Variants in DNAH7 observed in about 807,000 individuals in gnomAD.
DNAH7 encodes axonemal beta dynein heavy chain 7.
In DNAH7, 397 loss-of-function variants were observed where a neutral mutation model predicts 444.6. That is an observed-to-expected ratio of 0.89 (90% CI 0.82 to 0.97). The LOEUF (loss-of-function observed/expected upper bound fraction) is 0.97, where lower values mean the gene tolerates loss of function less well. Ranked by LOEUF, DNAH7 falls within the 50% of genes least tolerant of loss-of-function variation. DNAH7 has a pLI of 0.00. For synonymous variants in DNAH7, 1,636 were observed against 1,624.4 expected (o/e 1.01, Z -0.17); for missense variants, 4,902 against 4,800.8 (o/e 1.02, Z -0.62).
At position 196,012,803 on chromosome 2, in the gene DNAH7, C is replaced by A. The variant is rs762815760; in HGVS notation, c.973G>T (p.Glu325Ter). 9 of 1,599,134 alleles carry A rather than the reference C, an allele frequency of 5.6e-6. No homozygotes were observed. In the African/African-American group the frequency reaches 1.1e-4, roughly 19 times the overall value. ...AACCTTTACATTTTAAGTAGAGTCT[C>A]TTTGGCAGAGTCCATGTGTCTCATG... ...IIMRHMDSAK[E>*]TLLKMWFPEV... is the part of the protein sequence containing the mutation. Residue 325 changes from glutamate (E) to a stop codon, truncating the protein, a stop_gained, in exon 10 of 65, where the codon GAG (glutamate) becomes TAG (stop). Transcript: ENST00000312428. LOFTEE classifies it high-confidence loss of function.
intron 19 of DNAH7, among the ~76,000 whole-genome samples, chr2:195,947,532 G>C (rs1689899697): frequency 6.6e-6 from 1 of 152,092 alleles, no homozygotes; most frequent in African/African-American, 2.4e-5. Flanking sequence ...TTATGAGTGA[G>C]AACATGTAGT....
chr2:195,944,594 T>C (rs1250126184), intron 19 of DNAH7, among the ~76,000 whole-genome samples: 1 of 152,158 alleles, frequency 6.6e-6, no homozygotes, highest in Non-Finnish European at 1.5e-5. Context: ...GTCCCCATTT[T>C]CAGTTTTCAC....
At chr2:196,042,618 A>G (rs1696839501) in intron 5 of DNAH7, among the ~76,000 whole-genome samples, 1 of 152,094 alleles carries the variant, frequency 6.6e-6, no homozygotes, top group African/African-American at 2.4e-5. Flanking sequence ...AATATTAGTC[A>G]TTAGGGAAAT....
intron 24 of DNAH7, among the ~76,000 whole-genome samples, chr2:195,919,289 G>T (rs984655550): frequency 4.0e-5 from 6 of 151,734 alleles, no homozygotes; most frequent in African/African-American, 1.5e-4. Flanking sequence ...ATAGAGAGAG[G>T]TTAGGAATTC....
Position 195,855,957 on chromosome 2 carries a change from G to A in DNAH7, c.8449C>T (p.Leu2817=), listed in dbSNP as rs774339441. Residue 2817 remains leucine, a synonymous_variant, in exon 45 of 65, where the codon CTG becomes TTG. Coordinates refer to ENST00000312428, the MANE Select transcript of DNAH7 (RefSeq NM_018897.3). ...AKIVAPKKIK[L]AAAEGELKIA... The stretch of plus-strand genomic sequence containing the variant: ...TTAAGCTCCCCTTCAGCTGCAGCCA[G>A]TTTTATCTTTTTGGGAGCTACTATT... 2 of 1,612,850 alleles carry A rather than the reference G, an allele frequency of 1.2e-6. No homozygotes were observed. The highest frequency in any genetic ancestry group is 2.7e-5 in the African/African-American group (2 of 74,842).
chr2:195,902,698 T>C (rs547206980), intron 27 of DNAH7: 2 of 152,134 alleles, frequency 1.3e-5, no homozygotes, highest in African/African-American at 4.8e-5. Flanking sequence ...TTCTGACTAG[T>C]AGAACAAAAA....
At chr2:196,009,111 C>G (rs1003651342) in intron 10 of DNAH7, among the ~76,000 whole-genome samples, 2 of 152,138 alleles carry the variant, frequency 1.3e-5, no homozygotes, top group Admixed American at 1.3e-4. Flanking sequence ...ATCATGAGGA[C>G]AGAACCAAGC....
In DNAH7 at chr2:195,926,586, C is replaced by A; in HGVS notation, c.3472-20G>T. 1.9e-6 allele frequency: 3 copies of A among 1,567,228 alleles called. No homozygotes were observed. Among genetic ancestry groups the A allele is most frequent in the Non-Finnish European group, 1.7e-6 (2 of 1,159,980 alleles). Reference sequence around the variant, plus strand: ...AGTTACCTAATCAAAAAAGAATATGCTAAATATTAACCATTTCCTGAACAA... The same window carrying A: ...AGTTACCTAATCAAAAAAGAATATGATAAATATTAACCATTTCCTGAACAA... On this transcript the variant is annotated intron_variant, in intron 21 of 64. Transcript: ENST00000312428.
chr2:196,003,663 G>C (rs989086746), intron 10 of DNAH7, among the ~76,000 whole-genome samples: 1 of 152,140 alleles, frequency 6.6e-6, no homozygotes, highest in Non-Finnish European at 1.5e-5. Flanking sequence ...TTTAGGCTGG[G>C]TATTGAAGGA....
chr2:195,940,092 T>C (rs1689319855), intron 19 of DNAH7, among the ~76,000 whole-genome samples: 1 of 152,166 alleles, frequency 6.6e-6, no homozygotes. Context: ...AGAACAAAGC[T>C]GGAGGCATCA....
rs1242718625 is a variant in DNAH7 at position 195,855,806 on chromosome 2, C to T, written c.8595+5G>A. ...TTGTCCATCTTTTTCTATATCAGCA[C>T]ACACCTGGTTTTCCAGGTCAGCCTT... On this transcript the variant is annotated splice_donor_5th_base_variant and intron_variant, in intron 45 of 64. Transcript: ENST00000312428. The T allele has an allele frequency of 5.0e-6, 8 of 1,612,220 alleles. No individual in the cohort carries two copies. Among genetic ancestry groups the T allele is most frequent in the Non-Finnish European group, 5.9e-6 (7 of 1,179,330 alleles).
intron 63 of DNAH7, among the ~76,000 whole-genome samples, chr2:195,749,997 A>G (rs1249306975): frequency 6.6e-6 from 1 of 151,990 alleles, no homozygotes; most frequent in East Asian, 1.9e-4. Flanking sequence ...ATAAAATAAA[A>G]TAAAATAAAG....
chr2:195,999,858 G>GA (rs1303007635), intron 12 of DNAH7, among the ~76,000 whole-genome samples: 1 of 152,084 alleles, frequency 6.6e-6, no homozygotes, highest in Non-Finnish European at 1.5e-5. Flanking sequence ...CAAAGACATG[G>GA]AAAAACTAAA....
intron 21 of DNAH7, among the ~76,000 whole-genome samples, chr2:195,929,134 C>G (rs1169072825): frequency 6.6e-6 from 1 of 151,798 alleles, no homozygotes; most frequent in Non-Finnish European, 1.5e-5. Flanking sequence ...CAGCCACAGA[C>G]AAAAATAAAA....
At chr2:195,821,023 T>C (rs1654684326) in intron 49 of DNAH7, among the ~76,000 whole-genome samples, 1 of 152,190 alleles carries the variant, frequency 6.6e-6, no homozygotes, top group Non-Finnish European at 1.5e-5. Context: ...ACCAGGCCAA[T>C]GCCTAAGCAA....
At chr2:196,038,736 T>C (rs992689424) in intron 5 of DNAH7, among the ~76,000 whole-genome samples, 1 of 152,154 alleles carries the variant, frequency 6.6e-6, no homozygotes, top group South Asian at 2.1e-4. Context: ...GTAGTAACTA[T>C]ACTTCTATCA....
chr2:195,882,910 C>T (rs898970614), intron 35 of DNAH7, among the ~76,000 whole-genome samples: 4 of 152,170 alleles, frequency 2.6e-5, no homozygotes, highest in African/African-American at 9.7e-5. Flanking sequence ...TGACTGTCAT[C>T]TGAAGAGGTT....
At position 195,990,805 on chromosome 2, in the gene DNAH7, G is replaced by GTATATATATATACTTAAA. The variant is rs1693254129; in HGVS notation, c.1354-2577_1354-2576insTTTAAGTATATATATATA. Among the ~76,000 whole-genome samples the GTATATATATATACTTAAA allele has an allele frequency of 3.5e-5, 5 of 143,202 alleles. 1 individual carries two copies. The highest frequency in any genetic ancestry group is 1.3e-4 in the African/African-American group (5 of 38,896). The allele number at this position is 143,202 out of a possible 152,430, so 93.9% of individuals were successfully genotyped here. ...TGTGTGTGTGTGTGTGTGTGTGTGT[G>GTATATATATATACTTAAA]TGTGTGTATATATATATACTTAAAT... On this transcript the variant is annotated intron_variant, in intron 12 of 64. Coordinates refer to ENST00000312428, the MANE Select transcript of DNAH7 (RefSeq NM_018897.3).
At chr2:195,750,872 A>C (rs958842069) in intron 63 of DNAH7, among the ~76,000 whole-genome samples, 39 of 152,328 alleles carry the variant, frequency 2.6e-4, no homozygotes, top group African/African-American at 8.4e-4. Flanking sequence ...TCCATTGCCA[A>C]ATACTTAATT....
Sources: allele counts gnomAD v4.1 joint callset (sites outside exome capture counted in the v4.1 genomes callset), GRCh38; gene constraint gnomAD v4.1.1; transcripts MANE v1.5; gene names NCBI Gene and HGNC (gene_info 2026-07-23, HGNC 2026-07-21).